Variants in PLCB4 observed in about 807,000 individuals in gnomAD.
PLCB4 encodes the protein phospholipase C beta 4.
A neutral mutation model predicts 178.8 loss-of-function variants in PLCB4; 77 were observed. That is an observed-to-expected ratio of 0.43 (90% CI 0.36 to 0.52). The LOEUF (loss-of-function observed/expected upper bound fraction) is 0.52, where lower values mean the gene tolerates loss of function less well. Among genes scored for constraint, PLCB4 ranks in the 20% least tolerant of loss-of-function variants. The pLI is 0.00. For missense variants in PLCB4, 1,024 were observed against 1,453.4 expected (o/e 0.70, Z 4.80); for synonymous variants, 496 against 490.8 (o/e 1.01, Z -0.14).
chr20:9,131,337 A>T (rs534486325), intron 2 of PLCB4, among the ~76,000 whole-genome samples: 2 of 151,628 alleles, frequency 1.3e-5, no homozygotes, highest in Non-Finnish European at 2.9e-5. Context: ...CTGAAACAAA[A>T]TATTAAGCTA....
At chr20:9,087,802 G>A (rs927324551) in intron 1 of PLCB4, among the ~76,000 whole-genome samples, 1 of 152,168 alleles carries the variant, frequency 6.6e-6, no homozygotes, top group Non-Finnish European at 1.5e-5. Flanking sequence ...AGGTCCATTG[G>A]CATCATGCCA....
At chr20:9,207,481 A>G (rs1006403111) in intron 2 of PLCB4, among the ~76,000 whole-genome samples, 4 of 152,182 alleles carry the variant, frequency 2.6e-5, no homozygotes, top group African/African-American at 9.6e-5. Context: ...AAGATTTAGT[A>G]TTGTACTCCC....
Position 9,472,871 on chromosome 20 carries a change from G to A in PLCB4, c.3408+24G>A, listed in dbSNP as rs372312395. On this transcript the variant is annotated intron_variant, in intron 37 of 39. Transcript: ENST00000378473. Reference sequence around the variant, plus strand: ...GAGTAAGTATTTTATTATATTTTTGGCATTCTTCCTTTAAAAAACTATAAA... The same window carrying A: ...GAGTAAGTATTTTATTATATTTTTGACATTCTTCCTTTAAAAAACTATAAA... 6 of 1,385,790 alleles carry A rather than the reference G, an allele frequency of 4.3e-6. No homozygotes were observed. In the Admixed American group the frequency reaches 1.1e-4, roughly 26 times the overall value. The allele number at this position is 1,385,790 out of a possible 1,614,324, so 85.8% of individuals were successfully genotyped here. A position where few individuals can be genotyped will look rare whatever the true frequency, so the allele number is the denominator to read the frequency against.
chr20:9,088,021 T>A (rs558436847), intron 1 of PLCB4, among the ~76,000 whole-genome samples: 1 of 152,284 alleles, frequency 6.6e-6, no homozygotes, highest in East Asian at 1.9e-4. Flanking sequence ...TGCTTCTACT[T>A]CTACTGGGGC....
At chr20:9,473,246 CA>C in intron 37 of PLCB4, 32 bp from the exon 38 acceptor site, 2 of 1,296,154 alleles carry the variant, frequency 1.5e-6, no homozygotes, top group Non-Finnish European at 2.1e-6. Flanking sequence ...ACCCAAAGTT[CA>C]ATCAGAATTT....
chr20:9,171,377 A>G (rs1052996761), intron 2 of PLCB4, among the ~76,000 whole-genome samples: 3 of 152,236 alleles, frequency 2.0e-5, no homozygotes, highest in Admixed American at 1.3e-4. Context: ...CAAAAAGTAC[A>G]GTATGCAATC....
intron 2 of PLCB4, among the ~76,000 whole-genome samples, chr20:9,184,136 T>A (rs1306804347): frequency 2.6e-5 from 4 of 152,188 alleles, no homozygotes; most frequent in Non-Finnish European, 5.9e-5. Context: ...GTAGAAGGCA[T>A]CCTATTTCCT....
intron 4 of PLCB4, among the ~76,000 whole-genome samples, chr20:9,320,376 C>G (rs1271042737): frequency 6.6e-6 from 1 of 152,180 alleles, no homozygotes; most frequent in African/African-American, 2.4e-5. Context: ...GTGAAGACAA[C>G]CAGAGGTCAC....
Position 9,098,763 on chromosome 20 carries a change from G to GTGTGTGTA in PLCB4, c.-79+2422_-79+2423insGTGTGTAT, listed in dbSNP as rs1283771888. ...TATATGTGTGTGTGTGTGTGTGTGT[G>GTGTGTGTA]TATATATATATGAGACTATTTAATA... On this transcript the variant is annotated intron_variant, in intron 2 of 39. Transcript: ENST00000378473. 1.7e-3 allele frequency among the ~76,000 whole-genome samples: 248 copies of GTGTGTGTA among 146,834 alleles called. 1 individual carries two copies. Among genetic ancestry groups the GTGTGTGTA allele is most frequent in the Admixed American group, 3.9e-3 (56 of 14,452 alleles).
intron 4 of PLCB4, among the ~76,000 whole-genome samples, chr20:9,330,735 A>G (rs1382351904): frequency 3.3e-5 from 5 of 152,244 alleles, no homozygotes; most frequent in African/African-American, 1.2e-4. Flanking sequence ...CCACATTTCA[A>G]GTGCTCCCTG....
At position 9,307,494 on chromosome 20, in the gene PLCB4, T is replaced by TACAC. The variant is rs745918024; in HGVS notation, c.-15-256_-15-253dup. On this transcript the variant is annotated intron_variant, in intron 3 of 39. Coordinates refer to ENST00000378473, the MANE Select transcript of PLCB4 (RefSeq NM_001377142.1). ...GTGCCTTCAGATTTTAAAAAAAGAA[T>TACAC]ACACACACACACACACACACACACA... Among the ~76,000 whole-genome samples, 1,307 of 138,106 alleles carry TACAC rather than the reference T, an allele frequency of 9.5e-3. 12 individuals carry two copies. The highest frequency in any genetic ancestry group is 0.014 in the Non-Finnish European group (897 of 64,636). The allele number at this position is 138,106 out of a possible 152,430, so 90.6% of individuals were successfully genotyped here.
At chr20:9,337,325 T>G in intron 5 of PLCB4, 119 bp downstream of exon 5, 2 of 720,682 alleles carry the variant, frequency 2.8e-6, no homozygotes, top group Non-Finnish European at 5.0e-6. Context: ...TTCAAGATTT[T>G]TAAAAATGTG....
At chr20:9,074,337 T>A (rs956118065) in intron 1 of PLCB4, among the ~76,000 whole-genome samples, 1 of 152,210 alleles carries the variant, frequency 6.6e-6, no homozygotes, top group South Asian at 2.1e-4. Flanking sequence ...AAATTCCACC[T>A]GTAGCTACGG....
chr20:9,102,134 C>T (rs531864768), intron 2 of PLCB4, among the ~76,000 whole-genome samples: 5 of 152,136 alleles, frequency 3.3e-5, no homozygotes, highest in East Asian at 1.9e-4. Context: ...CATGAGCCAC[C>T]GCACCTGGCT....
intron 2 of PLCB4, among the ~76,000 whole-genome samples, chr20:9,198,617 C>CAAAT (rs1164541859): frequency 5.3e-5 from 8 of 152,156 alleles, no homozygotes; most frequent in Non-Finnish European, 4.4e-5. Flanking sequence ...ATGTAAGATG[C>CAAAT]AAATAAATGT....
chr20:9,460,383 T>A (rs570157337), intron 35 of PLCB4, among the ~76,000 whole-genome samples: 2 of 152,122 alleles, frequency 1.3e-5, no homozygotes, highest in Non-Finnish European at 2.9e-5. Flanking sequence ...GCTCCTAGAG[T>A]GACCAGGTTC....
chr20:9,419,867 A>G lies in PLCB4; in HGVS notation c.2112A>G (p.Glu704=). 1 of 1,614,044 alleles carries G rather than the reference A, an allele frequency of 6.2e-7. No individual in the cohort carries two copies. The highest frequency in any genetic ancestry group is 8.5e-7 in the Non-Finnish European group (1 of 1,179,928). ...RPDRTFDPFS[E]TPVDGVIAAT... is the part of the protein sequence containing the mutation. ...ATCGAACATTTGACCCCTTCTCTGA[A>G]ACTCCTGTTGATGGTGTTATTGCAG... The change falls in exon 26 of 40, where the codon GAA becomes GAG. Residue 704 remains glutamate (E), a synonymous_variant. Transcript: ENST00000378473.
At chr20:9,455,343 C>G (rs1458436343) in intron 33 of PLCB4, among the ~76,000 whole-genome samples, 1 of 152,096 alleles carries the variant, frequency 6.6e-6, no homozygotes, top group Non-Finnish European at 1.5e-5. Context: ...ATTTCAGATC[C>G]AAGCACCATA....
At chr20:9,411,143 C>G (rs1326326225) in intron 25 of PLCB4, 55 bp downstream of exon 25, 9 of 1,169,106 alleles carry the variant, frequency 7.7e-6, no homozygotes, top group South Asian at 7.7e-5. Context: ...CATACTACAG[C>G]TCTAATGAAG....
Sources: allele counts gnomAD v4.1 joint callset (sites outside exome capture counted in the v4.1 genomes callset), GRCh38; gene constraint gnomAD v4.1.1; transcripts MANE v1.5; gene names NCBI Gene and HGNC (gene_info 2026-07-23, HGNC 2026-07-21).